The following FYB2 variants were observed in gnomAD, a reference collection of about 807,000 sequenced individuals.
FYB2 encodes the protein FYN-binding protein 2.
FYB2 carries 103 observed loss-of-function variants against 94.1 expected under a neutral mutation model. The observed-to-expected ratio is 1.09, with a 90% CI of 0.93 to 1.29. The LOEUF is 1.29. FYB2 is among the 50% of genes most tolerant of loss of function. The pLI is 0.00. For synonymous variants in FYB2, 293 were observed against 287.9 expected, an observed-to-expected ratio of 1.02 and a Z score of -0.18; for missense variants, 896 against 841.5, an observed-to-expected ratio of 1.06 and a Z score of -0.80.
chr1:56,811,421 T>C (rs561662610), intron 1 of FYB2, among the ~76,000 whole-genome samples: 5 of 152,336 alleles, frequency 3.3e-5, no homozygotes, highest in Non-Finnish European at 5.9e-5. Context: ...ATGTGCTTAC[T>C]TAGAAATTCC....
chr1:56,747,662 G>T (rs1645100832), intron 9 of FYB2, among the ~76,000 whole-genome samples: 1 of 151,972 alleles, frequency 6.6e-6, no homozygotes, highest in African/African-American at 2.4e-5. Context: ...TATCATTGAT[G>T]GATTGTTTCC....
rs372570390 is a variant in FYB2 at position 56,767,812 on chromosome 1, T to A, written c.1063+17A>T. 2.0e-6 allele frequency: 3 copies of A among 1,538,116 alleles called. No homozygotes were observed. The African/African-American group carries it at 4.1e-5, about 21-fold the overall frequency. ...TTCCACACAGGGTTACACTATTAAT[T>A]GGCTTAGCAGACTTACGATCAGCAA... is the stretch of plus-strand genomic sequence containing the variant. On this transcript the variant is annotated intron_variant, in intron 5 of 19. Coordinates refer to ENST00000343433, the MANE Select transcript of FYB2 (RefSeq NM_001004303.5).
chr1:56,773,238 T>C (rs1055841260), intron 4 of FYB2, among the ~76,000 whole-genome samples: 4 of 152,176 alleles, frequency 2.6e-5, no homozygotes, highest in Non-Finnish European at 5.9e-5. Flanking sequence ...TGTCTACCTC[T>C]GGTCCACAGC....
intron 8 of FYB2, 132 bp from the exon 9 acceptor site, chr1:56,751,335 T>A (rs1645193770): frequency 9.8e-7 from 1 of 1,018,844 alleles, no homozygotes; most frequent in Non-Finnish European, 1.4e-6. Context: ...TTGAATAATA[T>A]CTTACTAGAC....
In FYB2 at chr1:56,719,582, A is replaced by G; in HGVS notation, c.*89T>C. The G allele has an allele frequency of 8.6e-7, 1 of 1,168,146 alleles. No individual in the cohort carries two copies. Among genetic ancestry groups the G allele is most frequent in the Non-Finnish European group, 1.2e-6 (1 of 836,672 alleles). The allele number at this position is 1,168,146 out of a possible 1,614,324, so 72.4% of individuals were successfully genotyped here. ...CAGATTCCACCATCTCAAAATTTTG[A>G]CATGTAAACTGAAACTGATGTAACG... On this transcript the variant is annotated 3_prime_UTR_variant, in exon 20 of 20. Coordinates refer to ENST00000343433, the MANE Select transcript of FYB2 (RefSeq NM_001004303.5).
intron 3 of FYB2, among the ~76,000 whole-genome samples, chr1:56,788,120 C>A (rs1646173578): frequency 6.6e-6 from 1 of 152,164 alleles, no homozygotes; most frequent in Non-Finnish European, 1.5e-5. Context: ...TGGAGCCCAG[C>A]AATCTATGTT....
chr1:56,779,390 C>A (rs1218940394), intron 4 of FYB2, among the ~76,000 whole-genome samples: 1 of 152,126 alleles, frequency 6.6e-6, no homozygotes, highest in Non-Finnish European at 1.5e-5. Flanking sequence ...GGTAGGGTGT[C>A]ACTTGGAGCT....
At chr1:56,785,734 ACCT>A (rs1012111636) in intron 4 of FYB2, among the ~76,000 whole-genome samples, 7 of 151,916 alleles carry the variant, frequency 4.6e-5, no homozygotes, top group Non-Finnish European at 8.8e-5. Context: ...GTTGCTTCAC[ACCT>A]CCTGCCTCTA....
At chr1:56,794,070 G>T (rs889854582) in intron 1 of FYB2, among the ~76,000 whole-genome samples, 2 of 152,186 alleles carry the variant, frequency 1.3e-5, no homozygotes, top group Non-Finnish European at 2.9e-5. Context: ...ATAAAGAAAA[G>T]TTCTTTATAA....
chr1:56,750,571 C>A (rs976883174), intron 9 of FYB2, among the ~76,000 whole-genome samples: 1 of 151,834 alleles, frequency 6.6e-6, no homozygotes, highest in Non-Finnish European at 1.5e-5. Flanking sequence ...CCGACTAACA[C>A]GCAGGTAAAA....
chr1:56,787,348 A>C (rs1041212679), intron 3 of FYB2, 140 bp from the exon 4 acceptor site: 2 of 933,324 alleles, frequency 2.1e-6, no homozygotes, highest in South Asian at 1.4e-5. Context: ...CCTTACCTCC[A>C]CCCCAGCACC....
chr1:56,822,502 T>C (rs1448183623), upstream of FYB2, among the ~76,000 whole-genome samples: 2 of 152,208 alleles, frequency 1.3e-5, no homozygotes, highest in South Asian at 4.1e-4. Context: ...TCCAGTTTGC[T>C]CCTCTGCGTA....
intron 15 of FYB2, among the ~76,000 whole-genome samples, chr1:56,733,645 T>C (rs146660583): frequency 2.0e-5 from 3 of 152,278 alleles, no homozygotes; most frequent in East Asian, 1.9e-4. Context: ...TTTGTTCTCA[T>C]TGGTTTCAAA....
chr1:56,799,420 A>G (rs1646470655), intron 1 of FYB2, among the ~76,000 whole-genome samples: 1 of 152,156 alleles, frequency 6.6e-6, no homozygotes, highest in Admixed American at 6.6e-5. Context: ...ACAAACAAAA[A>G]TCCCAGGAAG....
chr1:56,778,073 C>T (rs1305040772), intron 4 of FYB2, among the ~76,000 whole-genome samples: 1 of 152,170 alleles, frequency 6.6e-6, no homozygotes, highest in Non-Finnish European at 1.5e-5. Flanking sequence ...TCCAATCACA[C>T]TGGCCTCCTG....
At position 56,818,177 on chromosome 1, in the gene FYB2, C is replaced by T. The variant is rs988122833; in HGVS notation, c.9+1105G>A. ...CTTAAAAATTGCTAAGTGGTATGGT[C>T]GAGGTGGGGGTGGCGGGGAGAACTC... On this transcript the variant is annotated intron_variant, in intron 1 of 19. Coordinates refer to ENST00000343433, the MANE Select transcript of FYB2 (RefSeq NM_001004303.5). 3.3e-5 allele frequency among the ~76,000 whole-genome samples: 5 copies of T among 152,022 alleles called. No homozygotes were observed. The East Asian group carries it at 5.8e-4, about 18-fold the overall frequency.
chr1:56,751,220 G>T lies in FYB2; in HGVS notation c.1228-17C>A. 2 of 1,611,066 alleles carry T rather than the reference G, an allele frequency of 1.2e-6. No homozygotes were observed. Among genetic ancestry groups the T allele is most frequent in the Non-Finnish European group, 1.7e-6 (2 of 1,178,356 alleles). ...GGCATCTACCTAAACATATGCAAAA[G>T]GGAGAATACTGTAGGGCTGTGACTT... On this transcript the variant is annotated splice_polypyrimidine_tract_variant and intron_variant, in intron 8 of 19. Coordinates refer to ENST00000343433, the MANE Select transcript of FYB2 (RefSeq NM_001004303.5).
chr1:56,811,916 A>T (rs1157882644), intron 1 of FYB2, among the ~76,000 whole-genome samples: 3 of 144,962 alleles, frequency 2.1e-5, no homozygotes, highest in Admixed American at 1.4e-4. Context: ...GTTGTTAAAA[A>T]CCTTTCCTAA....
At chr1:56,775,976 A>G (rs1363495861) in intron 4 of FYB2, among the ~76,000 whole-genome samples, 1 of 152,222 alleles carries the variant, frequency 6.6e-6, no homozygotes, top group African/African-American at 2.4e-5. Context: ...TCTCAGTAGC[A>G]GTATGAGGCA....
Sources: gnomAD v4.1 joint callset for allele counts (sites outside exome capture counted in the v4.1 genomes callset) on GRCh38, gnomAD v4.1.1 for gene constraint, MANE v1.5 for transcripts, NCBI Gene and HGNC (gene_info 2026-07-23, HGNC 2026-07-21) for gene names.